Variants in CTNNA2 observed in about 807,000 individuals in gnomAD.
CTNNA2 encodes catenin alpha-2.
In CTNNA2, 42 loss-of-function variants were observed where a neutral mutation model predicts 101.0. That is an observed-to-expected ratio of 0.42 (90% CI 0.32 to 0.54). CTNNA2 has a LOEUF of 0.54. CTNNA2 is among the 20% of genes least tolerant of loss of function. CTNNA2 has a pLI of 0.14. For missense variants in CTNNA2, 871 were observed against 1,223.1 expected (o/e 0.71, Z 4.29); for synonymous variants, 450 against 456.4 (o/e 0.99, Z 0.18).
chr2:80,630,731 G>A (rs1439747910), intron 18 of CTNNA2, among the ~76,000 whole-genome samples: 1 of 152,136 alleles, frequency 6.6e-6, no homozygotes, highest in Non-Finnish European at 1.5e-5. Context: ...AAACTAAAGT[G>A]ATAGTTAAAA....
At chr2:79,389,044 A>C (rs1558655409) in intron 4 of CTNNA2, among the ~76,000 whole-genome samples, 1 of 152,188 alleles carries the variant, frequency 6.6e-6, no homozygotes, top group Non-Finnish European at 1.5e-5. Context: ...GAATAGTCTT[A>C]TTTGGAAATT....
intron 6 of CTNNA2, among the ~76,000 whole-genome samples, chr2:79,886,651 T>C (rs1035150592): frequency 7.2e-5 from 10 of 139,818 alleles, no homozygotes; most frequent in African/African-American, 2.2e-4. Flanking sequence ...CTCGGGAGGC[T>C]GAGGTAGGAG....
At chr2:79,673,781 C>G (rs997399075) in intron 2 of CTNNA2, among the ~76,000 whole-genome samples, 1 of 152,098 alleles carries the variant, frequency 6.6e-6, no homozygotes, top group African/African-American at 2.4e-5. Flanking sequence ...TGTGTAATTG[C>G]AATGACTTTC....
intron 4 of CTNNA2, among the ~76,000 whole-genome samples, chr2:79,438,743 A>C (rs920370446): frequency 1.2e-4 from 18 of 152,226 alleles, no homozygotes; most frequent in African/African-American, 4.1e-4. Flanking sequence ...GTTAATGTGC[A>C]TGAGAATGAC....
At chr2:79,854,493 A>G (rs753378670) in intron 3 of CTNNA2, among the ~76,000 whole-genome samples, 17 of 152,224 alleles carry the variant, frequency 1.1e-4, no homozygotes, top group Non-Finnish European at 2.2e-4. Flanking sequence ...ATATTTGGTA[A>G]TAGTTGGGGT....
intron 4 of CTNNA2, among the ~76,000 whole-genome samples, chr2:79,421,777 T>C (rs780438385): frequency 6.6e-6 from 1 of 152,122 alleles, no homozygotes; most frequent in African/African-American, 2.4e-5. Flanking sequence ...TAAGAGGCAT[T>C]AGTCAGGCTG....
intron 3 of CTNNA2, among the ~76,000 whole-genome samples, chr2:79,835,076 T>C (rs1323314970): frequency 6.6e-6 from 1 of 152,118 alleles, no homozygotes; most frequent in Non-Finnish European, 1.5e-5. Context: ...TAAATATTGA[T>C]ATCTATCAGG....
chr2:79,727,748 C>T (rs900552049), intron 2 of CTNNA2, among the ~76,000 whole-genome samples: 1 of 120,266 alleles, frequency 8.3e-6, no homozygotes, highest in African/African-American at 3.2e-5. Flanking sequence ...CCACAACGGT[C>T]CCCAGAGTGT....
chr2:80,432,694 G>C (rs1408471488), intron 9 of CTNNA2, among the ~76,000 whole-genome samples: 1 of 152,146 alleles, frequency 6.6e-6, no homozygotes, highest in African/African-American at 2.4e-5. Context: ...TTCCAAATCT[G>C]TAAAGTATCC....
intron 7 of CTNNA2, among the ~76,000 whole-genome samples, chr2:79,993,896 T>G (rs2103914021): frequency 6.6e-6 from 1 of 152,246 alleles, no homozygotes; most frequent in Non-Finnish European, 1.5e-5. Flanking sequence ...GTTTTGTTTT[T>G]TGTTTTGTTT....
At chr2:79,477,746 G>A (rs1450636617) in intron 4 of CTNNA2, among the ~76,000 whole-genome samples, 4 of 152,118 alleles carry the variant, frequency 2.6e-5, no homozygotes, top group Non-Finnish European at 5.9e-5. Flanking sequence ...ATGAATGAAG[G>A]TAATCACACG....
intron 1 of CTNNA2, among the ~76,000 whole-genome samples, chr2:79,622,037 G>T (rs1679029304): frequency 6.6e-6 from 1 of 152,298 alleles, no homozygotes; most frequent in South Asian, 2.1e-4. Flanking sequence ...GTGTGTCTTG[G>T]ACAAGATCCT....
intron 7 of CTNNA2, among the ~76,000 whole-genome samples, chr2:79,985,342 C>T (rs1055038835): frequency 3.3e-5 from 5 of 152,178 alleles, no homozygotes; most frequent in African/African-American, 1.2e-4. Flanking sequence ...ACCAGCTTCC[C>T]CTGTAGGTGA....
chr2:79,987,335 C>G (rs1017223720), intron 7 of CTNNA2, among the ~76,000 whole-genome samples: 1 of 152,188 alleles, frequency 6.6e-6, no homozygotes, highest in Non-Finnish European at 1.5e-5. Flanking sequence ...TCCTGATTTT[C>G]TAGCATCTCA....
At chr2:79,514,961 A>T (rs1474747431) in intron 1 of CTNNA2, among the ~76,000 whole-genome samples, 1 of 152,206 alleles carries the variant, frequency 6.6e-6, no homozygotes, top group African/African-American at 2.4e-5. Context: ...ATGGGAGTGT[A>T]AAGCAGGAGT....
chr2:80,199,615 A>T (rs969231089), intron 7 of CTNNA2, among the ~76,000 whole-genome samples: 2 of 152,192 alleles, frequency 1.3e-5, no homozygotes, highest in African/African-American at 4.8e-5. Context: ...TTCAAAGGAG[A>T]AAGGCAGAGA....
intron 3 of CTNNA2, among the ~76,000 whole-genome samples, chr2:79,843,896 CAT>C (rs10566117): frequency 0.021 from 3,149 of 152,182 alleles, 142 homozygotes; most frequent in African/African-American, 0.071. Flanking sequence ...AAAAAAAATC[CAT>C]GTTAGCTTAT....
intron 10 of CTNNA2, among the ~76,000 whole-genome samples, chr2:80,545,566 C>T (rs1043075061): frequency 6.6e-6 from 1 of 152,102 alleles, no homozygotes; most frequent in Admixed American, 6.6e-5. Context: ...TTTAAATGTT[C>T]CATATCTATT....
At chr2:80,316,168 A>G (rs1429294663) in intron 7 of CTNNA2, among the ~76,000 whole-genome samples, 1 of 152,220 alleles carries the variant, frequency 6.6e-6, no homozygotes, top group Non-Finnish European at 1.5e-5. Flanking sequence ...TTTATACAGT[A>G]AAACAGGTTG....
Sources: gnomAD v4.1 joint callset for allele counts (sites outside exome capture counted in the v4.1 genomes callset) on GRCh38, gnomAD v4.1.1 for gene constraint, MANE v1.5 for transcripts, NCBI Gene and HGNC (gene_info 2026-07-23, HGNC 2026-07-21) for gene names.